Variants in DNAH9 observed in about 807,000 individuals in gnomAD.
The protein encoded by DNAH9 is dynein axonemal heavy chain 9, also known as DNAH9 variant protein.
Under a neutral mutation model 471.6 loss-of-function variants are expected in DNAH9, and 345 were observed. The ratio of observed to expected loss-of-function variants is 0.73; its 90% CI spans 0.67 to 0.80. DNAH9 has a LOEUF of 0.80. Among genes scored for constraint, DNAH9 ranks in the 30% least tolerant of loss-of-function variants. The pLI is 0.00. For missense variants in DNAH9, 5,407 were observed against 5,609.2 expected (o/e 0.96, Z 1.15); for synonymous variants, 2,093 against 2,123.6 (o/e 0.99, Z 0.40).
intron 22 of DNAH9, among the ~76,000 whole-genome samples, chr17:11,698,215 T>TAA (rs1567728735): frequency 9.2e-5 from 3 of 32,728 alleles, no homozygotes; most frequent in South Asian, 9.9e-4. Context: ...AATAATATAA[T>TAA]TATATTAATA....
At chr17:11,678,174 C>T (rs1328938428) in intron 17 of DNAH9, among the ~76,000 whole-genome samples, 1 of 152,186 alleles carries the variant, frequency 6.6e-6, no homozygotes, top group Non-Finnish European at 1.5e-5. Flanking sequence ...TCTTCTGCCT[C>T]AGCATCCCGA....
At chr17:11,621,134 G>A (rs2072850804) in intron 6 of DNAH9, among the ~76,000 whole-genome samples, 1 of 152,108 alleles carries the variant, frequency 6.6e-6, no homozygotes, top group African/African-American at 2.4e-5. Flanking sequence ...AAGAGGCCGG[G>A]CACGGTGGCT....
chr17:11,677,051 A>G (rs1329273809), intron 17 of DNAH9, among the ~76,000 whole-genome samples: 1 of 152,070 alleles, frequency 6.6e-6, no homozygotes, highest in Admixed American at 6.6e-5. Context: ...GCCTTATTCA[A>G]TATAGTATAT....
chr17:11,897,940 G>A (rs1597801427), intron 59 of DNAH9, among the ~76,000 whole-genome samples: 1 of 152,130 alleles, frequency 6.6e-6, no homozygotes, highest in Non-Finnish European at 1.5e-5. Context: ...CAGCAGGGCC[G>A]TGCTCCCTCC....
At chr17:11,698,182 T>TATTAATAATATATTAATA (rs369729599) in intron 22 of DNAH9, among the ~76,000 whole-genome samples, 25 of 120,350 alleles carry the variant, frequency 2.1e-4, no homozygotes, top group Non-Finnish European at 9.5e-5. Flanking sequence ...TAATATATTA[T>TATTAATAATATATTAATA]TATATTAATA....
At chr17:11,809,438 G>A (rs1027147928) in intron 44 of DNAH9, among the ~76,000 whole-genome samples, 7 of 151,980 alleles carry the variant, frequency 4.6e-5, no homozygotes, top group Admixed American at 1.3e-4. Context: ...GTTGTGGCAC[G>A]CACCTGTAGA....
chr17:11,887,439 G>A (rs889665616), intron 57 of DNAH9, among the ~76,000 whole-genome samples: 3 of 152,144 alleles, frequency 2.0e-5, no homozygotes, highest in South Asian at 4.1e-4. Context: ...GCTTATGATT[G>A]TTGAAATATT....
chr17:11,866,843 C>G (rs1414576846), intron 50 of DNAH9, among the ~76,000 whole-genome samples: 2 of 152,198 alleles, frequency 1.3e-5, no homozygotes, highest in Admixed American at 1.3e-4. Flanking sequence ...GATATAATCT[C>G]CTGGTGCACT....
intron 48 of DNAH9, among the ~76,000 whole-genome samples, chr17:11,826,820 CTTTTTTT>C (rs760330537): frequency 9.7e-6 from 1 of 103,022 alleles, no homozygotes; most frequent in Non-Finnish European, 1.9e-5. Flanking sequence ...TCCCTACTTT[CTTTTTTT>C]TTTTTTTTTT....
chr17:11,946,588 C>T (rs888562955), intron 67 of DNAH9, among the ~76,000 whole-genome samples: 3 of 145,856 alleles, frequency 2.1e-5, no homozygotes, highest in Admixed American at 7.1e-5. Context: ...GGCGTGAACC[C>T]GGGAGGCGGA....
intron 22 of DNAH9, among the ~76,000 whole-genome samples, chr17:11,694,849 C>T (rs1371659196): frequency 0.012 from 6 of 496 alleles, 1 homozygote; most frequent in African/African-American, 0.018. Flanking sequence ...TCCTTCCTTC[C>T]TTCCTTCCTT....
At chr17:11,827,772 G>A (rs1049172266) in intron 48 of DNAH9, among the ~76,000 whole-genome samples, 2 of 150,632 alleles carry the variant, frequency 1.3e-5, no homozygotes, top group Admixed American at 6.6e-5. Context: ...CGCAACCTCC[G>A]CCTCCCAGGC....
intron 4 of DNAH9, chr17:11,612,132 G>A (rs2072651646): frequency 9.2e-6 from 5 of 542,026 alleles, no homozygotes; most frequent in African/African-American, 1.9e-5. Context: ...TCCTGGAGCT[G>A]TCCCTTTGTG....
chr17:11,945,784 C>A (rs759553595), intron 67 of DNAH9, among the ~76,000 whole-genome samples: 1 of 152,002 alleles, frequency 6.6e-6, no homozygotes, highest in Non-Finnish European at 1.5e-5. Context: ...TGTGGCCGGG[C>A]GCAGTGGCTC....
chr17:11,960,435 T>TAAAAAAAAAAAAAAAAAAAA (rs3074845), intron 67 of DNAH9, among the ~76,000 whole-genome samples: 18 of 54,040 alleles, frequency 3.3e-4, no homozygotes, highest in South Asian at 2.3e-3. Flanking sequence ...GACTCTGTCT[T>TAAAAAAAAAAAAAAAAAAAA]AAAAAAAAAA....
rs763573332 is a variant in DNAH9, at chr17:11,822,826, A to G, written c.9038A>G (p.Lys3013Arg). The G allele has an allele frequency of 6.2e-7, 1 of 1,614,104 alleles. No homozygotes were observed. The highest frequency in any genetic ancestry group is 8.5e-7 in the Non-Finnish European group (1 of 1,180,044). Residue 3013 changes from lysine to arginine, a missense_variant, in exon 48 of 69, where the codon AAA (lysine) becomes AGA (arginine). This residue lies in a region of DNAH9 where 4,636 missense variants were observed against 4,900.3 expected (regional missense o/e 0.95). Coordinates refer to ENST00000262442, the MANE Select transcript of DNAH9 (RefSeq NM_001372.4). ...CCCACAGTAAAGCAGTCGATTAGCA[A>G]ATTCATGGCCTTTGTCCACACAAGT... ...IEPTVKQSIS[K>R]FMAFVHTSVN...
chr17:11,763,315 T>C (rs1319821470), intron 35 of DNAH9, 125 bp from the exon 36 acceptor site: 2 of 813,864 alleles, frequency 2.5e-6, no homozygotes, highest in African/African-American at 3.4e-5. Flanking sequence ...TCTGGTTGTC[T>C]GTAATCCCAA....
intron 46 of DNAH9, 77 bp from the exon 47 acceptor site, chr17:11,822,361 A>G: frequency 6.5e-7 from 1 of 1,531,950 alleles, no homozygotes; most frequent in Admixed American, 1.7e-5. Flanking sequence ...GAGCTAGAGA[A>G]CCCAAGGCCA....
At chr17:11,662,780 G>C (rs1184555803) in intron 14 of DNAH9, among the ~76,000 whole-genome samples, 2 of 111,528 alleles carry the variant, frequency 1.8e-5, no homozygotes, top group Non-Finnish European at 3.5e-5. Context: ...TTTTGAGACG[G>C]AGTCTCGCTC....
Sources: gnomAD v4.1 joint callset for allele counts (sites outside exome capture counted in the v4.1 genomes callset) on GRCh38, gnomAD v4.1.1 for gene constraint, gnomAD v4.1.1 regional missense constraint, MANE v1.5 for transcripts, NCBI Gene and HGNC (gene_info 2026-07-23, HGNC 2026-07-21) for gene names.